DAAM1: variants seen among roughly 807,000 people sequenced by gnomAD.
DAAM1 encodes dishevelled associated activator of morphogenesis 1.
DAAM1 carries 52 observed loss-of-function variants against 130.0 expected under a neutral mutation model. That is an observed-to-expected ratio of 0.40 (90% CI 0.32 to 0.50). DAAM1 has a LOEUF of 0.50. Ranked by LOEUF, DAAM1 falls within the 20% of genes least tolerant of loss-of-function variation. DAAM1 has a pLI of 0.61. For synonymous variants in DAAM1, 452 were observed against 444.5 expected, an observed-to-expected ratio of 1.02 and a Z score of -0.21; for missense variants, 1,134 against 1,303.8, an observed-to-expected ratio of 0.87 and a Z score of 2.01.
intron 2 of DAAM1, among the ~76,000 whole-genome samples, chr14:59,276,380 G>A (rs930461896): frequency 3.9e-5 from 6 of 152,124 alleles, no homozygotes; most frequent in African/African-American, 1.4e-4. Flanking sequence ...CATGTCATGT[G>A]TCTTTAGGTC....
At chr14:59,203,719 G>C (rs1056479885) in intron 1 of DAAM1, among the ~76,000 whole-genome samples, 1 of 152,206 alleles carries the variant, frequency 6.6e-6, no homozygotes, top group Non-Finnish European at 1.5e-5. Context: ...AGGATAAAAA[G>C]CTTTCTTATA....
At chr14:59,247,429 G>A (rs1046119700) in intron 1 of DAAM1, among the ~76,000 whole-genome samples, 4 of 152,112 alleles carry the variant, frequency 2.6e-5, no homozygotes, top group Non-Finnish European at 4.4e-5. Flanking sequence ...CAAAGATGCC[G>A]TTGGGATTTT....
intron 1 of DAAM1, among the ~76,000 whole-genome samples, chr14:59,224,242 T>C (rs1032461872): frequency 6.6e-6 from 1 of 152,220 alleles, no homozygotes; most frequent in African/African-American, 2.4e-5. Context: ...GCAGCTGCAA[T>C]TGGAATCACT....
chr14:59,189,211 G>A (rs1446964483), intron 1 of DAAM1, among the ~76,000 whole-genome samples: 2 of 152,124 alleles, frequency 1.3e-5, no homozygotes, highest in East Asian at 3.9e-4. Context: ...GGAGAACCCC[G>A]AGGCAGGCTT....
intron 2 of DAAM1, among the ~76,000 whole-genome samples, chr14:59,284,027 G>C (rs760525016): frequency 3.3e-5 from 5 of 152,128 alleles, no homozygotes; most frequent in Non-Finnish European, 5.9e-5. Flanking sequence ...ATGCAGTGTC[G>C]TGTACCTTTT....
chr14:59,311,433 C>A (rs1052048529), intron 3 of DAAM1, among the ~76,000 whole-genome samples: 1 of 151,880 alleles, frequency 6.6e-6, no homozygotes, highest in Non-Finnish European at 1.5e-5. Context: ...TCACCCCAAA[C>A]GTCAAACAAA....
chr14:59,348,987 G>A (rs75250045), intron 17 of DAAM1, among the ~76,000 whole-genome samples: 25 of 152,288 alleles, frequency 1.6e-4, no homozygotes, highest in African/African-American at 5.5e-4. Context: ...GTCTCTTGGG[G>A]TTCTCTGTGT....
At chr14:59,205,254 A>G (rs748371117) in intron 1 of DAAM1, among the ~76,000 whole-genome samples, 1 of 152,234 alleles carries the variant, frequency 6.6e-6, no homozygotes, top group Non-Finnish European at 1.5e-5. Context: ...TATGTGATAA[A>G]CAGTGTGTAT....
chr14:59,320,373 C>G lies in DAAM1; in HGVS notation c.346-117C>G, dbSNP rs555104844. On this transcript the variant is annotated intron_variant, in intron 4 of 24. Coordinates refer to ENST00000360909, the MANE Select transcript of DAAM1 (RefSeq NM_001270520.2). ...ATTTGAAAGACTTAACTTACTTAAT[C>G]ATAGATTTGTTGTTTATATTTAAAG... is the stretch of plus-strand genomic sequence containing the variant. 9.0e-5 allele frequency: 71 copies of G among 789,550 alleles called. No individual in the cohort carries two copies. In the South Asian group the frequency reaches 1.3e-3, roughly 15 times the overall value. The allele number at this position is 789,550 out of a possible 1,614,324, so 48.9% of individuals were successfully genotyped here. A position where few individuals can be genotyped will look rare whatever the true frequency, so the allele number is the denominator to read the frequency against.
At chr14:59,325,310 C>A (rs774736866) in intron 8 of DAAM1, among the ~76,000 whole-genome samples, 6 of 152,236 alleles carry the variant, frequency 3.9e-5, no homozygotes, top group Middle Eastern at 3.4e-3. Context: ...CTTTTGTGAT[C>A]TTTAATTCAG....
intron 1 of DAAM1, among the ~76,000 whole-genome samples, chr14:59,205,487 C>G (rs1888230394): frequency 6.6e-6 from 1 of 152,114 alleles, no homozygotes; most frequent in Non-Finnish European, 1.5e-5. Context: ...CAGGTTTTAG[C>G]TTCTTTAAAA....
At chr14:59,195,943 C>T (rs989099000) in intron 1 of DAAM1, among the ~76,000 whole-genome samples, 7 of 151,388 alleles carry the variant, frequency 4.6e-5, no homozygotes, top group East Asian at 1.9e-4. Flanking sequence ...GTGGACATAT[C>T]AGTGCACAGC....
intron 1 of DAAM1, among the ~76,000 whole-genome samples, chr14:59,228,415 A>C (rs535647061): frequency 6.6e-6 from 1 of 152,178 alleles, no homozygotes; most frequent in East Asian, 1.9e-4. Context: ...CCAACTTCCA[A>C]GAAAAAAAAC....
In DAAM1 at chr14:59,355,326, A is replaced by G. The variant is rs144346553; in HGVS notation, c.2518A>G (p.Ile840Val). Reference sequence around the variant, plus strand: ...CAAAATTGCTGACACAAAATCCAGCATCGACAAGTAAGTATGAGATCTTCC... The same window carrying G: ...CAAAATTGCTGACACAAAATCCAGCGTCGACAAGTAAGTATGAGATCTTCC... ...LNKIADTKSS[I>V]DKNITLLHYL... Residue 840 changes from isoleucine (I) to valine (V), a missense_variant, in exon 20 of 25, where the codon ATC (isoleucine) becomes GTC (valine). Around this residue, in one of 3 missense-constraint regions of DAAM1, gnomAD observed 644 missense variants for 695.9 expected, o/e 0.93. Transcript: ENST00000360909. The G allele has an allele frequency of 3.7e-4, 594 of 1,614,084 alleles. No individual in the cohort carries two copies. The highest frequency in any genetic ancestry group is 4.8e-4 in the Non-Finnish European group (562 of 1,179,986).
At chr14:59,251,875 T>A (rs1881657412) in intron 1 of DAAM1, among the ~76,000 whole-genome samples, 1 of 152,238 alleles carries the variant, frequency 6.6e-6, no homozygotes, top group Non-Finnish European at 1.5e-5. Context: ...TCATTGTTTC[T>A]GGGTGGCTTC....
At chr14:59,242,000 A>G (rs1039788891) in intron 1 of DAAM1, among the ~76,000 whole-genome samples, 1 of 152,164 alleles carries the variant, frequency 6.6e-6, no homozygotes, top group African/African-American at 2.4e-5. Flanking sequence ...TGTGCTTCTA[A>G]AATGGATTAT....
chr14:59,246,375 T>A (rs1450698261), intron 1 of DAAM1, among the ~76,000 whole-genome samples: 1 of 152,220 alleles, frequency 6.6e-6, no homozygotes, highest in Non-Finnish European at 1.5e-5. Context: ...CCATGTAGCA[T>A]GTGACAAGTT....
chr14:59,278,493 C>A (rs1360286462), intron 2 of DAAM1, among the ~76,000 whole-genome samples: 1 of 152,118 alleles, frequency 6.6e-6, no homozygotes, highest in African/African-American at 2.4e-5. Flanking sequence ...TTTTAGAATT[C>A]TTAATTTATA....
At chr14:59,277,573 A>G (rs1883026504) in intron 2 of DAAM1, among the ~76,000 whole-genome samples, 1 of 151,830 alleles carries the variant, frequency 6.6e-6, no homozygotes, top group Non-Finnish European at 1.5e-5. Context: ...AGAGCCTTTT[A>G]ATCTGTTGGT....
Sources: gnomAD v4.1 joint callset for allele counts (sites outside exome capture counted in the v4.1 genomes callset) on GRCh38, gnomAD v4.1.1 for gene constraint, gnomAD v4.1.1 regional missense constraint, MANE v1.5 for transcripts, NCBI Gene and HGNC (gene_info 2026-07-23, HGNC 2026-07-21) for gene names.